CDH12: variants seen among roughly 807,000 people sequenced by gnomAD.
CDH12 encodes cadherin-12.
Under a neutral mutation model 74.1 loss-of-function variants are expected in CDH12, and 41 were observed. The ratio of observed to expected loss-of-function variants is 0.55; its 90% CI spans 0.43 to 0.72. The LOEUF is 0.72. Ranked by LOEUF, CDH12 falls within the 30% of genes least tolerant of loss-of-function variation. The probability of loss-of-function intolerance (pLI) is 0.00; values close to 1 mark genes in which losing one functional copy is unlikely to be tolerated. For missense variants in CDH12, 945 were observed against 977.2 expected, an observed-to-expected ratio of 0.97 and a Z score of 0.44; for synonymous variants, 399 against 355.0, an observed-to-expected ratio of 1.12 and a Z score of -1.39.
intron 3 of CDH12, among the ~76,000 whole-genome samples, chr5:22,224,168 G>C (rs1752112748): frequency 6.6e-6 from 1 of 152,034 alleles, no homozygotes; most frequent in Non-Finnish European, 1.5e-5. Context: ...AACTCTTCTA[G>C]ATCCTGCTCT....
intron 9 of CDH12, among the ~76,000 whole-genome samples, chr5:21,811,769 TTTTTA>T (rs1224394160): frequency 6.4e-5 from 6 of 93,308 alleles, no homozygotes; most frequent in Admixed American, 3.6e-4. Flanking sequence ...ATAAAAGCAG[TTTTTA>T]TTTTGTTTTG....
At chr5:22,458,780 T>A (rs1403706786) in intron 2 of CDH12, among the ~76,000 whole-genome samples, 1 of 152,238 alleles carries the variant, frequency 6.6e-6, no homozygotes, top group East Asian at 1.9e-4. Flanking sequence ...AATGTGAGAC[T>A]CAAAAGAGTT....
At chr5:22,581,362 C>G (rs1358138433) in intron 1 of CDH12, among the ~76,000 whole-genome samples, 1 of 152,194 alleles carries the variant, frequency 6.6e-6, no homozygotes, top group Non-Finnish European at 1.5e-5. Flanking sequence ...GTGCAAGTCT[C>G]AAGCCTTGGC....
chr5:22,047,234 C>T (rs553211040), intron 5 of CDH12, among the ~76,000 whole-genome samples: 5 of 152,258 alleles, frequency 3.3e-5, no homozygotes, highest in South Asian at 4.1e-4. Flanking sequence ...ACTCTAGGAT[C>T]CCTTCCTTAA....
At chr5:22,761,377 C>G (rs959108960) in intron 1 of CDH12, among the ~76,000 whole-genome samples, 1 of 152,108 alleles carries the variant, frequency 6.6e-6, no homozygotes, top group African/African-American at 2.4e-5. Context: ...CGGCTAAGAA[C>G]GGAAAATGCC....
chr5:22,836,533 C>T lies in CDH12; in HGVS notation c.-523+16525G>A, dbSNP rs182698747. ...CATGAGCCACTGCGCCCAGCCAGTC[C>T]TGATGCTTTTTAAGGGGCTTTTTAT... On this transcript the variant is annotated intron_variant, in intron 1 of 14. Coordinates refer to ENST00000382254, the MANE Select transcript of CDH12 (RefSeq NM_004061.5). Among the ~76,000 whole-genome samples the T allele has an allele frequency of 7.8e-3, 1,183 of 151,934 alleles. 6 individuals carry two copies. Among genetic ancestry groups the T allele is most frequent in the Non-Finnish European group, 0.011 (776 of 67,926 alleles).
intron 1 of CDH12, among the ~76,000 whole-genome samples, chr5:22,519,941 C>T (rs1255600153): frequency 6.6e-6 from 1 of 151,972 alleles, no homozygotes; most frequent in Non-Finnish European, 1.5e-5. Context: ...GTAGCATATT[C>T]GTTCTTATAA....
intron 2 of CDH12, among the ~76,000 whole-genome samples, chr5:22,470,253 T>C (rs1328566432): frequency 6.6e-6 from 1 of 152,188 alleles, no homozygotes; most frequent in Non-Finnish European, 1.5e-5. Context: ...AGTTTTCTTA[T>C]GTAGTTGGCT....
At chr5:21,764,675 A>G (rs1744916708) in intron 12 of CDH12, among the ~76,000 whole-genome samples, 2 of 150,754 alleles carry the variant, frequency 1.3e-5, no homozygotes, top group Admixed American at 1.3e-4. Context: ...AAAAGAAAAG[A>G]AAAGGAAAGA....
intron 9 of CDH12, among the ~76,000 whole-genome samples, chr5:21,811,034 A>C (rs1747720223): frequency 6.6e-6 from 1 of 152,108 alleles, no homozygotes; most frequent in African/African-American, 2.4e-5. Context: ...CGATTTGTTA[A>C]AAGGCTCTTT....
chr5:22,245,532 A>G (rs546300267), intron 3 of CDH12, among the ~76,000 whole-genome samples: 1 of 152,272 alleles, frequency 6.6e-6, no homozygotes, highest in African/African-American at 2.4e-5. Context: ...AATCAAAGAT[A>G]CAAATGATAG....
chr5:22,685,706 T>A (rs945586945), intron 1 of CDH12, among the ~76,000 whole-genome samples: 1 of 152,224 alleles, frequency 6.6e-6, no homozygotes, highest in Non-Finnish European at 1.5e-5. Context: ...TCAAGGTTCA[T>A]CAATGTCGTA....
At chr5:22,573,724 T>G (rs1739646177) in intron 1 of CDH12, among the ~76,000 whole-genome samples, 1 of 152,188 alleles carries the variant, frequency 6.6e-6, no homozygotes, top group South Asian at 2.1e-4. Flanking sequence ...GTTTTCGTGT[T>G]TATTTCTTAA....
chr5:22,787,656 A>G (rs1747703209), intron 1 of CDH12, among the ~76,000 whole-genome samples: 2 of 152,140 alleles, frequency 1.3e-5, no homozygotes, highest in African/African-American at 4.8e-5. Flanking sequence ...ATTATTTCAT[A>G]CTTTCTAAGG....
chr5:22,075,350 T>C (rs1460875716), intron 5 of CDH12, among the ~76,000 whole-genome samples: 5 of 149,146 alleles, frequency 3.4e-5, no homozygotes, highest in South Asian at 4.4e-4. Context: ...TTAGGAGATA[T>C]ACCTAATGTT....
chr5:22,591,781 A>G (rs544415522), intron 1 of CDH12, among the ~76,000 whole-genome samples: 2 of 152,264 alleles, frequency 1.3e-5, no homozygotes, highest in Admixed American at 6.5e-5. Flanking sequence ...CTATGTGCAC[A>G]TACATCATGG....
At chr5:21,940,443 A>G (rs529095155) in intron 6 of CDH12, among the ~76,000 whole-genome samples, 2 of 152,318 alleles carry the variant, frequency 1.3e-5, no homozygotes, top group Non-Finnish European at 1.5e-5. Flanking sequence ...TGGAAATACT[A>G]CTAAATTGTC....
intron 5 of CDH12, among the ~76,000 whole-genome samples, chr5:21,994,298 G>A (rs1736141334): frequency 1.4e-5 from 2 of 141,750 alleles, no homozygotes; most frequent in South Asian, 4.3e-4. Flanking sequence ...GGAGACAGAG[G>A]TAAGAAAATT....
At chr5:21,783,288 G>A in intron 11 of CDH12, 70 bp downstream of exon 11, 1 of 1,355,122 alleles carries the variant, frequency 7.4e-7, no homozygotes, top group Non-Finnish European at 1.0e-6. Flanking sequence ...CATCTCAGCA[G>A]GGACTCATTT....
Sources: allele counts gnomAD v4.1 joint callset (sites outside exome capture counted in the v4.1 genomes callset), GRCh38; gene constraint gnomAD v4.1.1; transcripts MANE v1.5; gene names NCBI Gene and HGNC (gene_info 2026-07-23, HGNC 2026-07-21).